WNK1: variants seen among roughly 807,000 people sequenced by gnomAD.
The protein encoded by WNK1 is serine/threonine-protein kinase WNK1.
Under a neutral mutation model 222.8 loss-of-function variants are expected in WNK1, and 38 were observed. That is an observed-to-expected ratio of 0.17 (90% CI 0.13 to 0.22). The LOEUF (loss-of-function observed/expected upper bound fraction) is 0.22. Among genes scored for constraint, WNK1 ranks in the 10% least tolerant of loss-of-function variants. The pLI, the probability that WNK1 is intolerant of heterozygous loss-of-function variation, is 1.00. For missense variants in WNK1, 2,348 were observed against 2,918.4 expected, an observed-to-expected ratio of 0.80 and a Z score of 4.50; for synonymous variants, 1,090 against 1,092.9, an observed-to-expected ratio of 1.00 and a Z score of 0.05.
chr12:754,245 T>C lies in WNK1; in HGVS notation c.680T>C (p.Ile227Thr). 6.2e-7 allele frequency: 1 copy of C among 1,613,672 alleles called. No individual in the cohort carries two copies. The highest frequency in any genetic ancestry group is 8.5e-7 in the Non-Finnish European group (1 of 1,180,032). The change falls in exon 1 of 28, where the codon ATC becomes ACC. Residue 227 changes from isoleucine to threonine, a missense_variant. This residue lies in a region of WNK1 where 57 missense variants were observed against 219.0 expected (regional missense o/e 0.26). Transcript: ENST00000315939. ...DGRFLKFDIE[I>T]GRGSFKTVYK... Reference sequence around the variant, plus strand: ...CGCTTTCTCAAGTTTGACATCGAAATCGGCAGAGGCTCCTTTAAGACGGTC... The same window carrying C: ...CGCTTTCTCAAGTTTGACATCGAAACCGGCAGAGGCTCCTTTAAGACGGTC...
intron 1 of WNK1, among the ~76,000 whole-genome samples, chr12:784,308 A>G (rs11064531): frequency 0.054 from 8,274 of 152,212 alleles, 429 homozygotes; most frequent in African/African-American, 0.12. Flanking sequence ...GCTAATGGCT[A>G]CTATTACTGG....
At chr12:889,245 A>G (rs748327720) in intron 21 of WNK1, 22 bp downstream of exon 21, 11 of 1,591,910 alleles carry the variant, frequency 6.9e-6, no homozygotes, top group Non-Finnish European at 9.5e-6. Flanking sequence ...AAATCTTGAT[A>G]AAATCTCCTC....
Position 827,544 on chromosome 12 carries a change from G to T in WNK1, c.1153+282G>T, listed in dbSNP as rs1379776501. ...TTTTGTTGTTGTTGTTGTTGTTGTT[G>T]TTGAGATGGAGTCTCTCTCTGTCAC... On this transcript the variant is annotated intron_variant, in intron 3 of 27. Transcript: ENST00000315939. The surrounding 1 kb of genome is among the most constrained non-coding windows in gnomAD (Gnocchi z 4.6). The T allele has an allele frequency of 1.9e-6, 1 of 513,194 alleles. No homozygotes were observed. Among genetic ancestry groups the T allele is most frequent in the African/African-American group, 1.9e-5 (1 of 52,352 alleles). 31.8% of individuals were successfully genotyped at this position (513,194 alleles called of 1,614,324 possible).
chr12:823,732 T>A (rs1456669102), intron 2 of WNK1, among the ~76,000 whole-genome samples: 2 of 152,122 alleles, frequency 1.3e-5, no homozygotes, highest in Admixed American at 1.3e-4. Context: ...TTATCCCTAT[T>A]TAACCATGAG....
intron 2 of WNK1, among the ~76,000 whole-genome samples, chr12:820,159 A>G (rs1164517455): frequency 6.6e-6 from 1 of 152,184 alleles, no homozygotes; most frequent in Non-Finnish European, 1.5e-5. Context: ...GTATAGTATC[A>G]CCATCTTTAA....
intron 4 of WNK1, among the ~76,000 whole-genome samples, chr12:830,642 C>T (rs1050170410): frequency 3.3e-5 from 5 of 152,198 alleles, no homozygotes; most frequent in Non-Finnish European, 5.9e-5. Flanking sequence ...TTAAATTACT[C>T]ATGGTAGTTC....
In WNK1 at chr12:753,532, C is replaced by A. The variant is rs537709613; in HGVS notation, c.-34C>A. 1 of 1,610,912 alleles carries A rather than the reference C, an allele frequency of 6.2e-7. No homozygotes were observed. Among genetic ancestry groups the A allele is most frequent in the Non-Finnish European group, 8.5e-7 (1 of 1,179,700 alleles). ...CTTCACGCCCTTTTCGTTCACGAAT[C>A]CGAGCCCGCTCGCCTCTCTCCAGCG... On this transcript the variant is annotated 5_prime_UTR_variant, in exon 1 of 28. Coordinates refer to ENST00000315939, the MANE Select transcript of WNK1 (RefSeq NM_018979.4). This position sits in a 1 kb window ranked among gnomAD's most constrained non-coding sequence, Gnocchi z 5.2.
intron 14 of WNK1, 45 bp downstream of exon 14, chr12:882,118 G>A (rs1457409325): frequency 6.4e-7 from 1 of 1,557,240 alleles, no homozygotes; most frequent in Non-Finnish European, 8.7e-7. Context: ...AAAGGAATTT[G>A]ACACTGAAAA....
chr12:766,274 T>A (rs969514976), intron 1 of WNK1, among the ~76,000 whole-genome samples: 8 of 152,130 alleles, frequency 5.3e-5, no homozygotes, highest in African/African-American at 1.7e-4. Context: ...AAATAAAAAT[T>A]AAAAAATAAA....
At position 765,697 on chromosome 12, in the gene WNK1, C is replaced by T. The variant is rs142457206; in HGVS notation, c.759+11373C>T. 1.3e-4 allele frequency among the ~76,000 whole-genome samples: 19 copies of T among 151,992 alleles called. No homozygotes were observed. In the East Asian group the frequency reaches 2.9e-3, roughly 23 times the overall value. ...TCTAATCTCAGCACTTCTGGGAGGC[C>T]GAGGTGAGAGCATTGCTTGAGGCCA... On this transcript the variant is annotated intron_variant, in intron 1 of 27. Transcript: ENST00000315939.
intron 1 of WNK1, among the ~76,000 whole-genome samples, chr12:792,299 A>G (rs535450494): frequency 8.2e-5 from 12 of 147,140 alleles, no homozygotes; most frequent in African/African-American, 2.7e-4. Context: ...TTTTTATGAT[A>G]CTGTTATTCT....
At chr12:901,452 G>A in intron 26 of WNK1, 2 of 598,540 alleles carry the variant, frequency 3.3e-6, no homozygotes, top group South Asian at 4.1e-5. Context: ...GTTCTTCTGT[G>A]TGCCATCTTA....
chr12:884,681 A>T lies in WNK1; in HGVS notation c.3877A>T (p.Asn1293Tyr), dbSNP rs745573082. The change falls in exon 19 of 28, where the codon AAC becomes TAC. Residue 1293 changes from asparagine (N) to tyrosine (Y), a missense_variant. Physicochemically the swap from Asn to Tyr is moderately radical, Grantham distance 143 (BLOSUM62 -2). Transcript: ENST00000315939. The surrounding 1 kb of genome is among the most constrained non-coding windows in gnomAD (Gnocchi z 5.6). Reference sequence around the variant, plus strand: ...CTCTACAGCTCAGAGCCCTGGAATGAACTTGTCTCACTCTGCATCATCCCT... The same window carrying T: ...CTCTACAGCTCAGAGCCCTGGAATGTACTTGTCTCACTCTGCATCATCCCT... ...AASTAQSPGM[N>Y]LSHSASSLSL... is the part of the protein sequence containing the mutation. 7 of 1,614,186 alleles carry T rather than the reference A, an allele frequency of 4.3e-6. No individual in the cohort carries two copies. In the Admixed American group the frequency reaches 5.0e-5, roughly 12 times the overall value.
At position 754,120 on chromosome 12, in the gene WNK1, C is replaced by T. The variant is rs200468947; in HGVS notation, c.555C>T (p.Ser185=). ...KEEPPPARSG[S]GGGSAKEPQE... ...AGCCGCCGCCGGCGAGAAGTGGCAG[C>T]GGCGGCGGCAGCGCCAAGGAGCCAC... Residue 185 remains serine, a synonymous_variant, in exon 1 of 28, where the codon AGC becomes AGT. Transcript: ENST00000315939. The T allele has an allele frequency of 1.9e-6, 3 of 1,610,006 alleles. No homozygotes were observed. Among genetic ancestry groups the T allele is most frequent in the African/African-American group, 2.7e-5 (2 of 75,042 alleles).
chr12:795,298 T>G (rs886918783), intron 1 of WNK1, among the ~76,000 whole-genome samples: 4 of 40,448 alleles, frequency 9.9e-5, no homozygotes, highest in African/African-American at 1.9e-4. Flanking sequence ...TTTCCGTTGT[T>G]TTTTTTTTTT....
At chr12:760,940 ATTTTTTT>A (rs11284313) in intron 1 of WNK1, among the ~76,000 whole-genome samples, 1 of 130,088 alleles carries the variant, frequency 7.7e-6, no homozygotes, top group Non-Finnish European at 1.7e-5. Context: ...CACCCGGCTA[ATTTTTTT>A]TTTTTTTTTG....
At chr12:801,917 G>C (rs1296871949) in intron 1 of WNK1, among the ~76,000 whole-genome samples, 1 of 152,086 alleles carries the variant, frequency 6.6e-6, no homozygotes, top group African/African-American at 2.4e-5. Flanking sequence ...TGACCACCAG[G>C]AGGAAAAATC....
At chr12:783,050 C>T (rs569826206) in intron 1 of WNK1, among the ~76,000 whole-genome samples, 45 of 151,654 alleles carry the variant, frequency 3.0e-4, no homozygotes, top group African/African-American at 1.0e-3. Context: ...ACTACAAGCA[C>T]GTGCCACCAC....
chr12:897,115 T>A (rs901133177), intron 24 of WNK1, among the ~76,000 whole-genome samples: 12 of 152,238 alleles, frequency 7.9e-5, no homozygotes, highest in African/African-American at 2.7e-4. Context: ...CTGCTCTTTA[T>A]TTATTAGTCC....
Sources: gnomAD v4.1 joint callset for allele counts (sites outside exome capture counted in the v4.1 genomes callset) on GRCh38, gnomAD v4.1.1 for gene constraint, gnomAD v4.1.1 regional missense constraint, Gnocchi (gnomAD v3.1) non-coding constraint, MANE v1.5 for transcripts, NCBI Gene and HGNC (gene_info 2026-07-23, HGNC 2026-07-21) for gene names.